The following TAFA1 variants were observed in gnomAD, a reference collection of about 807,000 sequenced individuals.
TAFA1 encodes TAFA chemokine like family member 1, also known as chemokine-like protein TAFA-1.
TAFA1 carries 4 observed loss-of-function variants against 18.5 expected under a neutral mutation model. That is an observed-to-expected ratio of 0.22 (90% CI 0.11 to 0.49). TAFA1 has a LOEUF of 0.49. TAFA1 is among the 20% of genes least tolerant of loss of function. The probability of loss-of-function intolerance (pLI) is 0.98; values close to 1 mark genes in which losing one functional copy is unlikely to be tolerated. For missense variants in TAFA1, 147 were observed against 169.0 expected (o/e 0.87, Z 0.72); for synonymous variants, 56 against 55.2 (o/e 1.01, Z -0.06).
At chr3:68,438,505 T>C (rs976850171) in intron 3 of TAFA1, among the ~76,000 whole-genome samples, 1 of 152,166 alleles carries the variant, frequency 6.6e-6, no homozygotes, top group Non-Finnish European at 1.5e-5. Flanking sequence ...CACTTAGGGT[T>C]GCATTGCACA....
At chr3:68,236,196 A>G (rs2066925375) in intron 2 of TAFA1, among the ~76,000 whole-genome samples, 1 of 152,124 alleles carries the variant, frequency 6.6e-6, no homozygotes, top group Non-Finnish European at 1.5e-5. Flanking sequence ...GAAAAGGGCC[A>G]CTCATAATAA....
intron 2 of TAFA1, among the ~76,000 whole-genome samples, chr3:68,127,400 C>A (rs2065476575): frequency 6.6e-6 from 1 of 152,066 alleles, no homozygotes; most frequent in South Asian, 2.1e-4. Context: ...AAGCTTTTGT[C>A]TAATATCTTG....
At chr3:68,172,227 C>G (rs994083449) in intron 2 of TAFA1, among the ~76,000 whole-genome samples, 1 of 152,112 alleles carries the variant, frequency 6.6e-6, no homozygotes, top group Non-Finnish European at 1.5e-5. Flanking sequence ...TTATCACATG[C>G]AAAGGCTCCC....
At chr3:68,071,263 CAAAG>C (rs1176909962) in intron 2 of TAFA1, among the ~76,000 whole-genome samples, 1 of 152,192 alleles carries the variant, frequency 6.6e-6, no homozygotes, top group Non-Finnish European at 1.5e-5. Context: ...TGGCAGCAGG[CAAAG>C]AGAGAGCTTG....
chr3:68,271,836 TCACACA>T (rs965274782), intron 2 of TAFA1, among the ~76,000 whole-genome samples: 18 of 129,224 alleles, frequency 1.4e-4, no homozygotes, highest in Non-Finnish European at 2.9e-4. Flanking sequence ...TCTCTCTCTC[TCACACA>T]CACACACACA....
At chr3:68,181,907 T>A (rs1005870847) in intron 2 of TAFA1, among the ~76,000 whole-genome samples, 2 of 152,172 alleles carry the variant, frequency 1.3e-5, no homozygotes, top group Non-Finnish European at 2.9e-5. Flanking sequence ...TTAAACTATA[T>A]GATAAATACA....
At chr3:68,302,762 C>A (rs1180632749) in intron 2 of TAFA1, among the ~76,000 whole-genome samples, 1 of 152,112 alleles carries the variant, frequency 6.6e-6, no homozygotes, top group Non-Finnish European at 1.5e-5. Context: ...AATGCTCATC[C>A]CCACTTGGAC....
chr3:68,293,425 A>T (rs1273231141), intron 2 of TAFA1, among the ~76,000 whole-genome samples: 1 of 152,172 alleles, frequency 6.6e-6, no homozygotes, highest in Non-Finnish European at 1.5e-5. Flanking sequence ...GTTGTAGATC[A>T]ACCCCATCAG....
intron 2 of TAFA1, among the ~76,000 whole-genome samples, chr3:68,085,716 A>G (rs997916696): frequency 1.3e-5 from 2 of 152,208 alleles, no homozygotes; most frequent in Non-Finnish European, 2.9e-5. Flanking sequence ...TTCCTGTCAC[A>G]TATTTAGAAA....
intron 2 of TAFA1, among the ~76,000 whole-genome samples, chr3:68,105,980 G>A (rs1374855684): frequency 6.6e-6 from 1 of 151,980 alleles, no homozygotes; most frequent in Admixed American, 6.6e-5. Context: ...AATTTGATGA[G>A]CCTAATTCAA....
chr3:68,370,509 T>TAC (rs2069683340), intron 2 of TAFA1, among the ~76,000 whole-genome samples: 1 of 93,866 alleles, frequency 1.1e-5, no homozygotes, highest in African/African-American at 4.0e-5. Context: ...TATATATATA[T>TAC]ATATATACCC....
intron 2 of TAFA1, among the ~76,000 whole-genome samples, chr3:68,369,318 A>G (rs1352886542): frequency 6.6e-6 from 1 of 152,236 alleles, no homozygotes; most frequent in Non-Finnish European, 1.5e-5. Flanking sequence ...GGATCGGAGT[A>G]TCTTTTATAG....
intron 3 of TAFA1, among the ~76,000 whole-genome samples, chr3:68,497,517 GAGGGTGGA>G (rs1260447977): frequency 6.6e-6 from 1 of 152,146 alleles, no homozygotes; most frequent in Non-Finnish European, 1.5e-5. Context: ...TGTCAGTTGG[GAGGGTGGA>G]AGGGTGGGAG....
intron 2 of TAFA1, among the ~76,000 whole-genome samples, chr3:68,254,858 G>T (rs1306507135): frequency 1.3e-5 from 2 of 152,080 alleles, no homozygotes; most frequent in Non-Finnish European, 2.9e-5. Context: ...AATTAATCCT[G>T]CCAGCAGTAA....
chr3:68,251,725 T>C (rs2067200284), intron 2 of TAFA1, among the ~76,000 whole-genome samples: 1 of 152,200 alleles, frequency 6.6e-6, no homozygotes, highest in Non-Finnish European at 1.5e-5. Flanking sequence ...GAACACAGCA[T>C]GGCCTCTGTG....
intron 3 of TAFA1, among the ~76,000 whole-genome samples, chr3:68,479,879 TAC>T (rs142114344): frequency 2.9e-4 from 43 of 150,194 alleles, no homozygotes; most frequent in African/African-American, 8.0e-4. Flanking sequence ...TACACACGCA[TAC>T]ACACACACAC....
At chr3:67,998,431 G>C in the TAFA1 span, among the ~76,000 whole-genome samples, 4 of 151,966 alleles carry the variant, frequency 2.6e-5, no homozygotes, top group Admixed American at 2.6e-4. Flanking sequence ...ATCTCTTTTG[G>C]GGGATGCTCT....
chr3:68,320,534 G>A (rs147419100), intron 2 of TAFA1, among the ~76,000 whole-genome samples: 5 of 152,144 alleles, frequency 3.3e-5, no homozygotes, highest in African/African-American at 4.8e-5. Context: ...CTTGGTTCCC[G>A]ATCCTGGCAG....
intron 2 of TAFA1, among the ~76,000 whole-genome samples, chr3:68,236,706 A>G (rs2066931494): frequency 6.6e-6 from 1 of 152,210 alleles, no homozygotes; most frequent in Non-Finnish European, 1.5e-5. Flanking sequence ...GTGGGCTTTA[A>G]TTATTCTTGA....
Sources: allele counts gnomAD v4.1 joint callset (sites outside exome capture counted in the v4.1 genomes callset), GRCh38; gene constraint gnomAD v4.1.1; transcripts MANE v1.5; gene names NCBI Gene and HGNC (gene_info 2026-07-23, HGNC 2026-07-21).